FAM193A: variants seen among roughly 807,000 people sequenced by gnomAD.
FAM193A encodes family with sequence similarity 193 member A.
Under a neutral mutation model 126.5 loss-of-function variants are expected in FAM193A, and 22 were observed. The observed-to-expected ratio is 0.17, with a 90% CI of 0.12 to 0.25. FAM193A has a LOEUF of 0.25. FAM193A is among the 10% of genes least tolerant of loss of function. FAM193A has a pLI of 1.00. For synonymous variants in FAM193A, 761 were observed against 646.8 expected, an observed-to-expected ratio of 1.18 and a Z score of -2.68; for missense variants, 1,675 against 1,672.8, an observed-to-expected ratio of 1.00 and a Z score of -0.02.
At chr4:2,715,565 A>G in intron 19 of FAM193A, 1 of 971,286 alleles carries the variant, frequency 1.0e-6, no homozygotes, top group Non-Finnish European at 1.2e-6. Context: ...TCAAGGGCAC[A>G]TTCGAGGGAC....
At position 2,700,075 on chromosome 4, in the gene FAM193A, C is replaced by T; in HGVS notation, c.3903C>T (p.Asp1301=). 2 of 1,613,968 alleles carry T rather than the reference C, an allele frequency of 1.2e-6. No individual in the cohort carries two copies. The highest frequency in any genetic ancestry group is 1.7e-6 in the Non-Finnish European group (2 of 1,180,010). The change falls in exon 19 of 21, where the codon GAC becomes GAT. Residue 1301 remains aspartate (D), a synonymous_variant. Transcript: ENST00000637812. ...ATGGGGATGCTGCAGACCCCGTCGA[C>T]ACCAGAGACTCCAAATTTCTCCTCC... ...GADGDAADPV[D]TRDSKFLLPK...
intron 1 of FAM193A, among the ~76,000 whole-genome samples, chr4:2,546,189 A>G (rs1197923372): frequency 2.0e-5 from 3 of 149,464 alleles, no homozygotes; most frequent in Non-Finnish European, 4.4e-5. Flanking sequence ...ATGGGGTCCC[A>G]CTGTGTTTCC....
Position 2,659,603 on chromosome 4 carries a change from A to C in FAM193A, c.1435A>C (p.Thr479Pro), listed in dbSNP as rs1712152275. Reference protein sequence around the residue: ...AVTGENNFTDTMRHMLSSRLS... With the variant: ...AVTGENNFTDPMRHMLSSRLS... ...TACTGGCGAGAACAACTTCACAGAC[A>C]CCATGAGGCACATGTTATCGTCCCG... The change falls in exon 9 of 21, where the codon ACC becomes CCC. Residue 479 changes from threonine (T) to proline (P), a missense_variant. By Grantham distance (38) the Thr-to-Pro change is conservative. This residue lies in a region of FAM193A where 1,186 missense variants were observed against 1,109.2 expected (regional missense o/e 1.07). Coordinates refer to ENST00000637812, the MANE Select transcript of FAM193A (RefSeq NM_001366318.2). 1 of 1,614,060 alleles carries C rather than the reference A, an allele frequency of 6.2e-7. No homozygotes were observed. The highest frequency in any genetic ancestry group is 1.1e-5 in the South Asian group (1 of 91,082).
chr4:2,682,851 A>G (rs1365750335), intron 13 of FAM193A, among the ~76,000 whole-genome samples: 2 of 152,228 alleles, frequency 1.3e-5, no homozygotes, highest in African/African-American at 4.8e-5. Flanking sequence ...CACCCAGTAC[A>G]GTGATGATGA....
chr4:2,622,683 T>G (rs1305591891), intron 2 of FAM193A, among the ~76,000 whole-genome samples: 1 of 152,186 alleles, frequency 6.6e-6, no homozygotes, highest in Admixed American at 6.5e-5. Flanking sequence ...GATTGGTGCC[T>G]GGGAAGGGCC....
intron 1 of FAM193A, among the ~76,000 whole-genome samples, chr4:2,575,699 T>G (rs1339664382): frequency 6.6e-6 from 1 of 152,060 alleles, no homozygotes; most frequent in Non-Finnish European, 1.5e-5. Context: ...ACTCCTGACC[T>G]CAGGGGATCT....
intron 5 of FAM193A, among the ~76,000 whole-genome samples, chr4:2,638,889 G>A (rs1744344072): frequency 1.3e-5 from 2 of 152,140 alleles, no homozygotes; most frequent in Admixed American, 1.3e-4. Flanking sequence ...TGAGTGACCC[G>A]ACTCAGGAGA....
chr4:2,604,968 T>A (rs1271907076), intron 2 of FAM193A, among the ~76,000 whole-genome samples: 1 of 151,278 alleles, frequency 6.6e-6, no homozygotes, highest in African/African-American at 2.4e-5. Context: ...TGGATGATTT[T>A]TTTTTTTTTT....
chr4:2,545,284 C>A (rs781248678), intron 1 of FAM193A, among the ~76,000 whole-genome samples: 1 of 152,228 alleles, frequency 6.6e-6, no homozygotes, highest in Admixed American at 6.5e-5. Flanking sequence ...TGAGCCACCA[C>A]GCCAGGCCCT....
At chr4:2,562,563 T>C (rs1405541507) in intron 1 of FAM193A, among the ~76,000 whole-genome samples, 5 of 152,124 alleles carry the variant, frequency 3.3e-5, no homozygotes, top group Admixed American at 1.3e-4. Flanking sequence ...TTACTACTTA[T>C]ATTTCTAAAT....
chr4:2,715,175 G>A (rs550041607), intron 19 of FAM193A: 17 of 152,364 alleles, frequency 1.1e-4, no homozygotes, highest in African/African-American at 3.8e-4. Context: ...CAACTTGAAA[G>A]TGTTTGGCCA....
chr4:2,689,990 G>T (rs182582480), intron 14 of FAM193A, among the ~76,000 whole-genome samples: 1 of 152,228 alleles, frequency 6.6e-6, no homozygotes, highest in Non-Finnish European at 1.5e-5. Context: ...TGAGGGTCTC[G>T]TGACCACGGT....
chr4:2,564,552 GA>G (rs1307013891), intron 1 of FAM193A, among the ~76,000 whole-genome samples: 9 of 152,130 alleles, frequency 5.9e-5, no homozygotes, highest in African/African-American at 1.9e-4. Context: ...TACTATTTGG[GA>G]AAAGTATTTT....
At chr4:2,714,726 C>T (rs1007913305) in intron 19 of FAM193A, among the ~76,000 whole-genome samples, 4 of 152,190 alleles carry the variant, frequency 2.6e-5, no homozygotes, top group African/African-American at 4.8e-5. Context: ...AAACGTGCCT[C>T]ATGCTACCAT....
intron 2 of FAM193A, chr4:2,607,917 G>T: frequency 8.7e-7 from 1 of 1,145,424 alleles, no homozygotes. Context: ...TTTTCACTAT[G>T]TGATGGTGTC....
intron 18 of FAM193A, among the ~76,000 whole-genome samples, chr4:2,696,963 G>A (rs1177592784): frequency 6.6e-6 from 1 of 152,154 alleles, no homozygotes; most frequent in Non-Finnish European, 1.5e-5. Context: ...TTTGGGGCCT[G>A]TGGGTTCAGA....
chr4:2,683,964 C>T (rs991316014), intron 13 of FAM193A, among the ~76,000 whole-genome samples: 3 of 152,196 alleles, frequency 2.0e-5, no homozygotes, highest in African/African-American at 7.2e-5. Context: ...CTGATGAGTC[C>T]ATCACTGATA....
chr4:2,705,351 G>A (rs1718187465), intron 19 of FAM193A, among the ~76,000 whole-genome samples: 1 of 152,158 alleles, frequency 6.6e-6, no homozygotes, highest in Non-Finnish European at 1.5e-5. Context: ...TATGCGGTCA[G>A]CTTCTTGATT....
intron 1 of FAM193A, among the ~76,000 whole-genome samples, chr4:2,547,710 C>A (rs1328466452): frequency 6.6e-6 from 1 of 151,696 alleles, no homozygotes; most frequent in Non-Finnish European, 1.5e-5. Flanking sequence ...CCTGCAACGT[C>A]TGCCTCCTTG....
Sources: gnomAD v4.1 joint callset for allele counts (sites outside exome capture counted in the v4.1 genomes callset) on GRCh38, gnomAD v4.1.1 for gene constraint, gnomAD v4.1.1 regional missense constraint, MANE v1.5 for transcripts, NCBI Gene and HGNC (gene_info 2026-07-23, HGNC 2026-07-21) for gene names.